CADM2: variants seen among roughly 807,000 people sequenced by gnomAD.
The protein encoded by CADM2 is immunoglobulin superfamily member 4D.
CADM2 carries 12 observed loss-of-function variants against 49.8 expected under a neutral mutation model. That is an observed-to-expected ratio of 0.24 (90% CI 0.15 to 0.39). The LOEUF (loss-of-function observed/expected upper bound fraction) is 0.39. Ranked by LOEUF, CADM2 falls within the 10% of genes least tolerant of loss-of-function variation. CADM2 has a pLI of 1.00. For synonymous variants in CADM2, 214 were observed against 175.4 expected (o/e 1.22, Z -1.74); for missense variants, 378 against 492.3 (o/e 0.77, Z 2.20).
chr3:85,110,714 A>AT (rs2038422642), intron 1 of CADM2, among the ~76,000 whole-genome samples: 1 of 151,664 alleles, frequency 6.6e-6, no homozygotes, highest in African/African-American at 2.4e-5. Flanking sequence ...AATTACATTC[A>AT]TTTTTTCTGA....
At chr3:86,063,755 C>G (rs1301535709) in intron 8 of CADM2, among the ~76,000 whole-genome samples, 1 of 152,106 alleles carries the variant, frequency 6.6e-6, no homozygotes, top group African/African-American at 2.4e-5. Context: ...TCCTATAATC[C>G]AGCTCTAGTT....
intron 6 of CADM2, among the ~76,000 whole-genome samples, chr3:85,917,844 T>C (rs535467662): frequency 6.6e-6 from 1 of 152,330 alleles, no homozygotes. Flanking sequence ...TTTATTTAGT[T>C]GAGCACTGGT....
At chr3:85,911,626 G>A (rs564392784) in intron 5 of CADM2, among the ~76,000 whole-genome samples, 3 of 152,252 alleles carry the variant, frequency 2.0e-5, no homozygotes, top group African/African-American at 7.2e-5. Flanking sequence ...CATTGTTCAT[G>A]TTAAAGTTGT....
intron 1 of CADM2, among the ~76,000 whole-genome samples, chr3:85,082,903 G>T (rs2037224244): frequency 6.6e-6 from 1 of 152,014 alleles, no homozygotes; most frequent in Admixed American, 6.6e-5. Context: ...AAATCCAACT[G>T]AGTGCATATG....
At chr3:85,184,896 G>T (rs1323626931) in intron 1 of CADM2, among the ~76,000 whole-genome samples, 1 of 152,034 alleles carries the variant, frequency 6.6e-6, no homozygotes, top group Non-Finnish European at 1.5e-5. Flanking sequence ...TCAAAACTTT[G>T]CATTGCCTTG....
intron 1 of CADM2, among the ~76,000 whole-genome samples, chr3:85,156,554 G>A (rs1245327826): frequency 6.6e-6 from 1 of 152,152 alleles, no homozygotes; most frequent in Non-Finnish European, 1.5e-5. Flanking sequence ...GTACAAGGAG[G>A]AACTGGTACC....
chr3:85,554,196 G>A (rs933526421), intron 1 of CADM2, among the ~76,000 whole-genome samples: 3 of 152,220 alleles, frequency 2.0e-5, no homozygotes, highest in African/African-American at 4.8e-5. Context: ...TCAGGCATTA[G>A]TTAGATTCTC....
At chr3:85,665,651 A>G (rs183383637) in intron 1 of CADM2, among the ~76,000 whole-genome samples, 2 of 152,104 alleles carry the variant, frequency 1.3e-5, no homozygotes, top group Admixed American at 6.6e-5. Context: ...TTGTGTCTTT[A>G]AAAGCATCCT....
chr3:85,605,223 A>T, intron 1 of CADM2, among the ~76,000 whole-genome samples: 1 of 152,056 alleles, frequency 6.6e-6, no homozygotes, highest in Non-Finnish European at 1.5e-5. Flanking sequence ...TAAACTATAA[A>T]GTGCATAACA....
chr3:85,588,950 G>T (rs2063022059), intron 1 of CADM2, among the ~76,000 whole-genome samples: 1 of 152,034 alleles, frequency 6.6e-6, no homozygotes, highest in Non-Finnish European at 1.5e-5. Context: ...ACTGGTAAAA[G>T]TTTATTCTTT....
intron 1 of CADM2, among the ~76,000 whole-genome samples, chr3:85,561,056 TAGA>T (rs2107177840): frequency 6.6e-6 from 1 of 152,296 alleles, no homozygotes; most frequent in Admixed American, 6.5e-5. Flanking sequence ...AGCTGCCACA[TAGA>T]AGATTCTCCA....
chr3:85,042,076 T>C (rs886499521), intron 1 of CADM2, among the ~76,000 whole-genome samples: 4 of 152,166 alleles, frequency 2.6e-5, no homozygotes, highest in Non-Finnish European at 4.4e-5. Context: ...CATTACCCTA[T>C]CAGTCACTCT....
At chr3:85,065,840 G>T (rs1255480276) in intron 1 of CADM2, among the ~76,000 whole-genome samples, 1 of 152,050 alleles carries the variant, frequency 6.6e-6, no homozygotes. Context: ...TCCAGATTTG[G>T]AGTATATATG....
intron 1 of CADM2, among the ~76,000 whole-genome samples, chr3:85,618,458 A>G (rs1420638178): frequency 2.0e-5 from 3 of 152,154 alleles, no homozygotes; most frequent in East Asian, 1.9e-4. Flanking sequence ...CGCATATCTA[A>G]CAAGGTAAAT....
intron 1 of CADM2, among the ~76,000 whole-genome samples, chr3:85,258,091 A>G (rs1412640969): frequency 6.6e-6 from 1 of 152,076 alleles, no homozygotes; most frequent in African/African-American, 2.4e-5. Flanking sequence ...ATTGGCTTGG[A>G]TTCAGATTCC....
At chr3:85,050,968 A>G (rs1378360160) in intron 1 of CADM2, among the ~76,000 whole-genome samples, 4 of 152,174 alleles carry the variant, frequency 2.6e-5, no homozygotes, top group African/African-American at 9.6e-5. Flanking sequence ...ATGAAGGAGC[A>G]TACAAGGACT....
rs1265583945 is a variant in CADM2 at position 86,000,807 on chromosome 3, A to G, written c.970+39160A>G. ...TGAATTAGAACCTGCAGAACTTTAA[A>G]TAATTTATTTTAAGAATTTGAGTTT... On this transcript the variant is annotated intron_variant, in intron 8 of 9. Transcript: ENST00000383699. Among the ~76,000 whole-genome samples the G allele has an allele frequency of 5.3e-5, 8 of 152,304 alleles. No homozygotes were observed. In the East Asian group the frequency reaches 1.4e-3, roughly 26 times the overall value.
chr3:84,982,737 A>ATATATATATATATGT (rs1553663805), intron 1 of CADM2, among the ~76,000 whole-genome samples: 1 of 115,380 alleles, frequency 8.7e-6, no homozygotes, highest in Non-Finnish European at 1.7e-5. Flanking sequence ...ATATATATAC[A>ATATATATATATATGT]TTTTTTGTTT....
chr3:85,662,947 C>G (rs757106983), intron 1 of CADM2, among the ~76,000 whole-genome samples: 2 of 152,028 alleles, frequency 1.3e-5, no homozygotes, highest in Non-Finnish European at 2.9e-5. Flanking sequence ...TCCTTTTTCT[C>G]ATGCTTGAAT....
Sources: gnomAD v4.1 joint callset for allele counts (sites outside exome capture counted in the v4.1 genomes callset) on GRCh38, gnomAD v4.1.1 for gene constraint, MANE v1.5 for transcripts, NCBI Gene and HGNC (gene_info 2026-07-23, HGNC 2026-07-21) for gene names.